FNBP1: variants seen among roughly 807,000 people sequenced by gnomAD.
The protein encoded by FNBP1 is formin-binding protein 1.
Under a neutral mutation model 90.6 loss-of-function variants are expected in FNBP1, and 26 were observed. The ratio of observed to expected loss-of-function variants is 0.29; its 90% CI spans 0.21 to 0.40. The LOEUF (loss-of-function observed/expected upper bound fraction) is 0.40. Among genes scored for constraint, FNBP1 ranks in the 10% least tolerant of loss-of-function variants. FNBP1 has a pLI of 1.00. For missense variants in FNBP1, 635 were observed against 768.0 expected, an observed-to-expected ratio of 0.83 and a Z score of 2.05; for synonymous variants, 260 against 265.2, an observed-to-expected ratio of 0.98 and a Z score of 0.19.
intron 6 of FNBP1, among the ~76,000 whole-genome samples, chr9:129,931,412 G>A (rs2042717048): frequency 6.6e-6 from 1 of 151,864 alleles, no homozygotes; most frequent in Non-Finnish European, 1.5e-5. Context: ...GACCATCCTG[G>A]CTAACATGGT....
At chr9:129,905,290 G>GTATATATATATA (rs1435497753) in intron 12 of FNBP1, among the ~76,000 whole-genome samples, 1 of 57,976 alleles carries the variant, frequency 1.7e-5, no homozygotes, top group African/African-American at 5.5e-5. Flanking sequence ...GTGTGTGTGT[G>GTATATATATATA]TGTGTATATA....
chr9:130,023,326 T>C (rs1348259560), intron 1 of FNBP1, among the ~76,000 whole-genome samples: 4 of 152,202 alleles, frequency 2.6e-5, no homozygotes, highest in Admixed American at 6.5e-5. Flanking sequence ...CCAATTCCCC[T>C]TCTTTAACAG....
chr9:129,911,687 C>T (rs2039305013), intron 11 of FNBP1, among the ~76,000 whole-genome samples: 1 of 152,120 alleles, frequency 6.6e-6, no homozygotes, highest in Non-Finnish European at 1.5e-5. Flanking sequence ...AATCCCAGCA[C>T]TTTGGGAGGC....
chr9:129,960,378 C>A, intron 4 of FNBP1, among the ~76,000 whole-genome samples: 1 of 82,516 alleles, frequency 1.2e-5, no homozygotes, highest in African/African-American at 4.7e-5. Flanking sequence ...ATCAAGACTC[C>A]ATCTCAAAAA....
chr9:129,987,222 G>A (rs1682931260), intron 2 of FNBP1, among the ~76,000 whole-genome samples: 1 of 151,972 alleles, frequency 6.6e-6, no homozygotes, highest in South Asian at 2.1e-4. Context: ...AAAGAACGCA[G>A]GGAACACGTC....
intron 6 of FNBP1, among the ~76,000 whole-genome samples, chr9:129,941,901 T>C (rs1398731616): frequency 6.6e-6 from 1 of 151,906 alleles, no homozygotes; most frequent in Non-Finnish European, 1.5e-5. Flanking sequence ...CAAAACCCCA[T>C]CTCTACTAAA....
chr9:130,015,508 C>A (rs2057137496), intron 1 of FNBP1, among the ~76,000 whole-genome samples: 1 of 152,170 alleles, frequency 6.6e-6, no homozygotes, highest in Non-Finnish European at 1.5e-5. Flanking sequence ...CCAGCCTCGA[C>A]TACTGCCCAG....
intron 1 of FNBP1, among the ~76,000 whole-genome samples, chr9:130,017,558 G>C (rs541179330): frequency 1.3e-5 from 2 of 152,086 alleles, no homozygotes; most frequent in Non-Finnish European, 2.9e-5. Context: ...GGCTGGGTGC[G>C]GTAGCTCACG....
At chr9:129,944,826 C>G (rs1049514491) in intron 6 of FNBP1, among the ~76,000 whole-genome samples, 2 of 152,180 alleles carry the variant, frequency 1.3e-5, no homozygotes, top group African/African-American at 4.8e-5. Flanking sequence ...GAACCCACTT[C>G]CACGTAATAC....
chr9:129,907,515 T>C (rs1043043537), intron 12 of FNBP1, among the ~76,000 whole-genome samples: 2 of 152,030 alleles, frequency 1.3e-5, no homozygotes, highest in African/African-American at 2.4e-5. Context: ...TCTTGCTCTG[T>C]TGCCCAAGGT....
Position 129,918,286 on chromosome 9 carries a change from T to C in FNBP1, c.1171-2306A>G, listed in dbSNP as rs140120666. On this transcript the variant is annotated intron_variant, in intron 10 of 16. Coordinates refer to ENST00000446176, the MANE Select transcript of FNBP1 (RefSeq NM_015033.3). ...CATCACAGTACGTGGAATTTCTTTT[T>C]AATCATTATATACTGGTTTTCAGTC... Among the ~76,000 whole-genome samples the C allele has an allele frequency of 4.3e-3, 655 of 152,364 alleles. 7 individuals carry two copies. The highest frequency in any genetic ancestry group is 3.2e-3 in the Non-Finnish European group (220 of 68,042).
At chr9:129,911,125 G>A (rs926898233) in intron 11 of FNBP1, among the ~76,000 whole-genome samples, 5 of 152,132 alleles carry the variant, frequency 3.3e-5, no homozygotes, top group African/African-American at 1.2e-4. Context: ...GCCTCCCAAC[G>A]TCCTGGGATT....
rs556580095 is a variant in FNBP1, at chr9:129,981,736, C to T, written c.141-2362G>A. On this transcript the variant is annotated intron_variant, in intron 2 of 16. Transcript: ENST00000446176. ...ATGAGCCAGTCTGTGCTTCCCATTCCTAATGTGTACGTCAGCAGGGGTTGG... is the reference window on the plus strand; with the variant it reads ...ATGAGCCAGTCTGTGCTTCCCATTCTTAATGTGTACGTCAGCAGGGGTTGG... Among the ~76,000 whole-genome samples, 47 of 152,246 alleles carry T rather than the reference C, an allele frequency of 3.1e-4. 1 individual carries two copies. In the South Asian group the frequency reaches 7.7e-3, roughly 25 times the overall value.
chr9:129,928,677 A>AAG (rs2042280170), intron 7 of FNBP1, among the ~76,000 whole-genome samples: 1 of 151,898 alleles, frequency 6.6e-6, no homozygotes, highest in Non-Finnish European at 1.5e-5. Flanking sequence ...AAAAAAGAAA[A>AAG]AAAGAAAAAA....
chr9:129,965,368 G>GT (rs1291579072), intron 4 of FNBP1, among the ~76,000 whole-genome samples: 3 of 152,186 alleles, frequency 2.0e-5, no homozygotes, highest in African/African-American at 7.2e-5. Flanking sequence ...GGCATGCTCA[G>GT]TTGCTTGACT....
intron 1 of FNBP1, among the ~76,000 whole-genome samples, chr9:130,023,535 T>A (rs1038938238): frequency 2.2e-4 from 34 of 152,234 alleles, no homozygotes; most frequent in African/African-American, 7.5e-4. Flanking sequence ...GGCTGGTGCA[T>A]ATAAAGAAGG....
At chr9:129,980,394 A>T (rs1390895414) in intron 2 of FNBP1, among the ~76,000 whole-genome samples, 1 of 151,834 alleles carries the variant, frequency 6.6e-6, no homozygotes, top group East Asian at 1.9e-4. Context: ...TGCCAAGGGC[A>T]TGTTTCTAAG....
At chr9:129,905,294 G>GTGTGTATATATA (rs374989661) in intron 12 of FNBP1, among the ~76,000 whole-genome samples, 85 of 132,340 alleles carry the variant, frequency 6.4e-4, no homozygotes, top group East Asian at 2.0e-3. Context: ...GTGTGTGTGT[G>GTGTGTATATATA]TATATATATA....
At chr9:129,956,332 T>C (rs537273521) in intron 6 of FNBP1, among the ~76,000 whole-genome samples, 2 of 152,314 alleles carry the variant, frequency 1.3e-5, no homozygotes, top group East Asian at 3.8e-4. Context: ...TCAACAAATC[T>C]ATAAAAACTC....
Sources: gnomAD v4.1 joint callset for allele counts (sites outside exome capture counted in the v4.1 genomes callset) on GRCh38, gnomAD v4.1.1 for gene constraint, MANE v1.5 for transcripts, NCBI Gene and HGNC (gene_info 2026-07-23, HGNC 2026-07-21) for gene names.